CCSER1: variants seen among roughly 807,000 people sequenced by gnomAD.
CCSER1 encodes the protein serine-rich coiled-coil domain-containing protein 1.
In CCSER1, 41 loss-of-function variants were observed where a neutral mutation model predicts 82.0. The observed-to-expected ratio is 0.50, with a 90% CI of 0.39 to 0.65. The LOEUF (loss-of-function observed/expected upper bound fraction) is 0.65. Ranked by LOEUF, CCSER1 falls within the 30% of genes least tolerant of loss-of-function variation. The pLI is 0.00. For synonymous variants in CCSER1, 414 were observed against 383.9 expected (o/e 1.08, Z -0.92); for missense variants, 1,119 against 1,064.2 (o/e 1.05, Z -0.72).
intron 5 of CCSER1, among the ~76,000 whole-genome samples, chr4:90,540,862 T>A (rs972066615): frequency 6.6e-6 from 1 of 152,114 alleles, no homozygotes; most frequent in Non-Finnish European, 1.5e-5. Context: ...TGATGCATAG[T>A]GCATAGCACA....
chr4:90,801,788 T>C (rs1207350380), intron 7 of CCSER1, among the ~76,000 whole-genome samples: 1 of 152,238 alleles, frequency 6.6e-6, no homozygotes, highest in Non-Finnish European at 1.5e-5. Flanking sequence ...ACATTTCATA[T>C]AAATACCAGA....
In CCSER1 at chr4:90,801,598, A is replaced by G. The variant is rs79038074; in HGVS notation, c.2011-14164A>G. On this transcript the variant is annotated intron_variant, in intron 7 of 10. Transcript: ENST00000509176. ...GACAATGCTATTTCCTTATTTGACT[A>G]ATATGCTAAAAAAATACATTTCTAA... Among the ~76,000 whole-genome samples, 1,056 of 152,268 alleles carry G rather than the reference A, an allele frequency of 6.9e-3. 7 individuals are homozygous for G. Among genetic ancestry groups the G allele is most frequent in the Non-Finnish European group, 8.3e-3 (566 of 68,002 alleles).
At chr4:91,250,597 G>A (rs1405696490) in intron 10 of CCSER1, among the ~76,000 whole-genome samples, 2 of 151,196 alleles carry the variant, frequency 1.3e-5, no homozygotes, top group Non-Finnish European at 2.9e-5. Context: ...GTATTGTATA[G>A]TGTGGCTTTG....
At chr4:90,352,549 C>G (rs962999500) in intron 3 of CCSER1, among the ~76,000 whole-genome samples, 2 of 151,838 alleles carry the variant, frequency 1.3e-5, no homozygotes, top group Admixed American at 1.3e-4. Flanking sequence ...GTAATCCCAG[C>G]TACTTGGGAG....
At chr4:91,315,925 G>A (rs964969826) in intron 10 of CCSER1, among the ~76,000 whole-genome samples, 2 of 151,930 alleles carry the variant, frequency 1.3e-5, no homozygotes, top group African/African-American at 2.4e-5. Context: ...ATCTTGAATT[G>A]TACCTCCCAT....
intron 9 of CCSER1, among the ~76,000 whole-genome samples, chr4:91,060,385 CT>C (rs1376105551): frequency 2.0e-5 from 3 of 151,838 alleles, no homozygotes; most frequent in African/African-American, 7.3e-5. Flanking sequence ...TAATTATATT[CT>C]TTACCCAGAG....
At chr4:91,327,854 C>A (rs144623227) in intron 10 of CCSER1, among the ~76,000 whole-genome samples, 2 of 152,270 alleles carry the variant, frequency 1.3e-5, no homozygotes, top group African/African-American at 4.8e-5. Context: ...TCATTTCTCT[C>A]AATCTCAAAG....
chr4:90,325,144 A>G (rs889864399), intron 3 of CCSER1, among the ~76,000 whole-genome samples: 48 of 152,118 alleles, frequency 3.2e-4, no homozygotes, highest in East Asian at 1.9e-4. Flanking sequence ...TCTTGCCTGA[A>G]TATTTGTTCA....
chr4:91,551,842 G>A (rs963526225), intron 10 of CCSER1, among the ~76,000 whole-genome samples: 3 of 151,572 alleles, frequency 2.0e-5, no homozygotes, highest in Non-Finnish European at 4.4e-5. Context: ...TTGAGATTTT[G>A]TTCCTGAAAA....
chr4:90,675,318 TG>T (rs1733625842), intron 6 of CCSER1, among the ~76,000 whole-genome samples: 1 of 152,112 alleles, frequency 6.6e-6, no homozygotes, highest in African/African-American at 2.4e-5. Context: ...AGAAAATGCA[TG>T]TTTTTTTAAT....
intron 9 of CCSER1, among the ~76,000 whole-genome samples, chr4:91,077,190 G>A (rs1437036089): frequency 3.9e-5 from 6 of 152,278 alleles, no homozygotes; most frequent in Admixed American, 3.9e-4. Flanking sequence ...AGGGTATTCA[G>A]TAGAGAGCAC....
intron 1 of CCSER1, among the ~76,000 whole-genome samples, chr4:90,140,543 T>A (rs961446977): frequency 6.6e-6 from 1 of 152,126 alleles, no homozygotes; most frequent in African/African-American, 2.4e-5. Context: ...AAGACAAACT[T>A]GTATCAATCT....
chr4:90,576,617 A>G (rs1307576369), intron 5 of CCSER1, among the ~76,000 whole-genome samples: 1 of 152,044 alleles, frequency 6.6e-6, no homozygotes, highest in African/African-American at 2.4e-5. Flanking sequence ...GGCATTCTAC[A>G]GTTTGTAGCC....
chr4:90,820,043 A>G (rs920666051), intron 8 of CCSER1, among the ~76,000 whole-genome samples: 8 of 152,184 alleles, frequency 5.3e-5, no homozygotes, highest in African/African-American at 1.9e-4. Context: ...ATAGAACAAA[A>G]TCTCCTCTGC....
At chr4:90,973,457 T>G (rs1459638237) in intron 9 of CCSER1, among the ~76,000 whole-genome samples, 1 of 151,684 alleles carries the variant, frequency 6.6e-6, no homozygotes, top group South Asian at 2.1e-4. Context: ...ATAAGTACAA[T>G]GAGTTATCAC....
chr4:90,400,245 A>G (rs1752622206), intron 4 of CCSER1, 116 bp downstream of exon 4: 1 of 451,594 alleles, frequency 2.2e-6, no homozygotes, highest in Non-Finnish European at 3.9e-6. Flanking sequence ...CAGTTTTTAT[A>G]GTCTATATGC....
chr4:91,249,043 G>T (rs1471342669), intron 10 of CCSER1, among the ~76,000 whole-genome samples: 1 of 152,020 alleles, frequency 6.6e-6, no homozygotes, highest in Non-Finnish European at 1.5e-5. Context: ...CTACTCTATA[G>T]AATTTTAAAA....
intron 7 of CCSER1, among the ~76,000 whole-genome samples, chr4:90,743,238 G>A (rs75709600): frequency 0.026 from 3,999 of 152,248 alleles, 145 homozygotes; most frequent in African/African-American, 0.084. Context: ...TGTCCCTTTG[G>A]TTAGTGGCTG....
chr4:90,897,517 A>G (rs1312115206), intron 8 of CCSER1, among the ~76,000 whole-genome samples: 2 of 151,902 alleles, frequency 1.3e-5, no homozygotes, highest in African/African-American at 4.8e-5. Flanking sequence ...TAGACACCAC[A>G]TTTTCTTACC....
Sources: allele counts gnomAD v4.1 joint callset (sites outside exome capture counted in the v4.1 genomes callset), GRCh38; gene constraint gnomAD v4.1.1; transcripts MANE v1.5; gene names NCBI Gene and HGNC (gene_info 2026-07-23, HGNC 2026-07-21).